The following ANO4 variants were observed in gnomAD, a reference collection of about 807,000 sequenced individuals.
ANO4 encodes anoctamin-4.
ANO4 carries 69 observed loss-of-function variants against 141.9 expected under a neutral mutation model. That is an observed-to-expected ratio of 0.49 (90% CI 0.40 to 0.59). The LOEUF (loss-of-function observed/expected upper bound fraction) is 0.59. ANO4 is among the 20% of genes least tolerant of loss of function. The pLI is 0.00. For synonymous variants in ANO4, 350 were observed against 394.3 expected, an observed-to-expected ratio of 0.89 and a Z score of 1.33; for missense variants, 894 against 1,162.2, an observed-to-expected ratio of 0.77 and a Z score of 3.36.
intron 3 of ANO4, among the ~76,000 whole-genome samples, chr12:100,771,446 T>C (rs2033295747): frequency 6.6e-6 from 1 of 152,122 alleles, no homozygotes; most frequent in African/African-American, 2.4e-5. Context: ...ACTGCAATAG[T>C]GTAAGCAAGC....
At chr12:100,723,829 A>T (rs916240494) in intron 1 of ANO4, among the ~76,000 whole-genome samples, 1 of 152,200 alleles carries the variant, frequency 6.6e-6, no homozygotes, top group East Asian at 1.9e-4. Context: ...GGGCCTTAAC[A>T]TATGAATTTT....
rs146828746 is a variant in ANO4 at position 100,821,294 on chromosome 12, A to G, written c.-141+26267A>G. Among the ~76,000 whole-genome samples the G allele has an allele frequency of 2.1e-3, 313 of 152,174 alleles. 1 individual carries two copies. Among genetic ancestry groups the G allele is most frequent in the African/African-American group, 6.8e-3 (283 of 41,552 alleles). On this transcript the variant is annotated intron_variant, in intron 1 of 27. Coordinates refer to ENST00000392977, the MANE Select transcript of ANO4 (RefSeq NM_001286615.2). ...AGGAGCTTCATTTGGGATGGTAGATATCAGTGGCTGGAGCAATGAGGAAGG... is the reference window on the plus strand; with the variant it reads ...AGGAGCTTCATTTGGGATGGTAGATGTCAGTGGCTGGAGCAATGAGGAAGG...
intron 1 of ANO4, among the ~76,000 whole-genome samples, chr12:100,832,223 C>A (rs2036670324): frequency 6.6e-6 from 1 of 152,002 alleles, no homozygotes; most frequent in Admixed American, 6.6e-5. Context: ...ACGCAGATGA[C>A]TTTTTAAGAA....
At chr12:100,837,303 T>C (rs1356340444) in intron 1 of ANO4, among the ~76,000 whole-genome samples, 1 of 152,112 alleles carries the variant, frequency 6.6e-6, no homozygotes, top group East Asian at 1.9e-4. Flanking sequence ...TATAATATCA[T>C]TTTCGTTTGG....
intron 1 of ANO4, among the ~76,000 whole-genome samples, chr12:100,841,594 C>T (rs2037251519): frequency 6.6e-6 from 1 of 152,130 alleles, no homozygotes; most frequent in African/African-American, 2.4e-5. Context: ...TGACATTTGA[C>T]AGTCCTAAAT....
intron 1 of ANO4, among the ~76,000 whole-genome samples, chr12:100,846,142 G>C (rs1365526860): frequency 2.0e-5 from 3 of 152,196 alleles, no homozygotes; most frequent in Non-Finnish European, 4.4e-5. Flanking sequence ...AAGGCGTCTA[G>C]CACATAGAAA....
At chr12:101,058,327 A>G (rs2048210936) in intron 14 of ANO4, among the ~76,000 whole-genome samples, 1 of 152,170 alleles carries the variant, frequency 6.6e-6, no homozygotes, top group Middle Eastern at 3.4e-3. Context: ...TTTGCTTAGG[A>G]TTGTCTTGGC....
chr12:100,764,802 C>G (rs1259884294), intron 3 of ANO4, among the ~76,000 whole-genome samples: 1 of 152,186 alleles, frequency 6.6e-6, no homozygotes, highest in Non-Finnish European at 1.5e-5. Context: ...TATATTAGGT[C>G]TCCTTAGAGG....
chr12:101,046,778 G>A (rs969274869), intron 13 of ANO4, among the ~76,000 whole-genome samples: 1 of 152,170 alleles, frequency 6.6e-6, no homozygotes, highest in African/African-American at 2.4e-5. Flanking sequence ...ATCAGCCCCA[G>A]GGCAGTATTC....
At chr12:100,954,133 AG>A (rs1159044768) in intron 5 of ANO4, among the ~76,000 whole-genome samples, 2 of 152,136 alleles carry the variant, frequency 1.3e-5, no homozygotes, top group Admixed American at 6.5e-5. Flanking sequence ...ATTCTTCCCT[AG>A]TACTTATAAT....
chr12:100,942,348 T>C (rs777384708), intron 4 of ANO4, 29 bp from the exon 5 acceptor site: 2 of 1,601,568 alleles, frequency 1.2e-6, no homozygotes, highest in Non-Finnish European at 1.7e-6. Context: ...ATGAATGACT[T>C]AAACTGGTCC....
At chr12:101,126,835 G>A (rs376974281) in intron 26 of ANO4, 44 bp from the exon 27 acceptor site, 27 of 1,558,164 alleles carry the variant, frequency 1.7e-5, no homozygotes, top group Non-Finnish European at 2.2e-5. Context: ...CCTCATTCAG[G>A]ATGCACAGTA....
At chr12:101,102,801 A>C (rs956337976) in intron 22 of ANO4, among the ~76,000 whole-genome samples, 10 of 152,066 alleles carry the variant, frequency 6.6e-5, no homozygotes, top group Admixed American at 2.6e-4. Context: ...GAACTCCTAC[A>C]TCAATTTGAA....
chr12:100,762,191 T>G (rs2032889752), intron 3 of ANO4, among the ~76,000 whole-genome samples: 1 of 152,216 alleles, frequency 6.6e-6, no homozygotes, highest in Non-Finnish European at 1.5e-5. Context: ...TGCTGGGATT[T>G]TCAGGACCCA....
intron 1 of ANO4, among the ~76,000 whole-genome samples, chr12:100,826,169 AC>A (rs1242196628): frequency 1.3e-5 from 2 of 152,084 alleles, no homozygotes; most frequent in African/African-American, 2.4e-5. Flanking sequence ...TAAGCAAAAG[AC>A]AGTGTAACAG....
chr12:100,812,315 T>C (rs2035488917), intron 1 of ANO4, among the ~76,000 whole-genome samples: 1 of 152,174 alleles, frequency 6.6e-6, no homozygotes, highest in Non-Finnish European at 1.5e-5. Context: ...CCTTGTGTTC[T>C]TGGCCACTTG....
chr12:101,090,566 G>A (rs1485397317), intron 17 of ANO4, among the ~76,000 whole-genome samples: 2 of 152,258 alleles, frequency 1.3e-5, no homozygotes, highest in South Asian at 2.1e-4. Flanking sequence ...CATGGACACA[G>A]GGTGGGGAAC....
At chr12:100,985,465 T>G (rs1174508335) in intron 7 of ANO4, among the ~76,000 whole-genome samples, 9 of 152,188 alleles carry the variant, frequency 5.9e-5, no homozygotes, top group Non-Finnish European at 2.9e-5. Context: ...ATGCCCATTT[T>G]ATAGATAAGG....
intron 14 of ANO4, among the ~76,000 whole-genome samples, chr12:101,051,501 G>A (rs1443439570): frequency 2.0e-5 from 3 of 152,154 alleles, no homozygotes; most frequent in Non-Finnish European, 4.4e-5. Flanking sequence ...AAAAGAATGA[G>A]TTGCCCCAAG....
Sources: gnomAD v4.1 joint callset for allele counts (sites outside exome capture counted in the v4.1 genomes callset) on GRCh38, gnomAD v4.1.1 for gene constraint, MANE v1.5 for transcripts, NCBI Gene and HGNC (gene_info 2026-07-23, HGNC 2026-07-21) for gene names.